ZFHX3: variants seen among roughly 807,000 people sequenced by gnomAD.
The protein encoded by ZFHX3 is zinc finger homeobox protein 3.
A neutral mutation model predicts 279.1 loss-of-function variants in ZFHX3; 42 were observed. The observed-to-expected ratio is 0.15, with a 90% CI of 0.12 to 0.19. ZFHX3 has a LOEUF of 0.19. Ranked by LOEUF, ZFHX3 falls within the 10% of genes least tolerant of loss-of-function variation. The pLI is 1.00. For synonymous variants in ZFHX3, 2,293 were observed against 1,957.8 expected, an observed-to-expected ratio of 1.17 and a Z score of -4.52; for missense variants, 4,981 against 4,754.0, an observed-to-expected ratio of 1.05 and a Z score of -1.40.
chr16:73,496,907 C>G (rs778172708), intron 2 of ZFHX3, among the ~76,000 whole-genome samples: 47 of 152,196 alleles, frequency 3.1e-4, no homozygotes, highest in Admixed American at 2.6e-4. Flanking sequence ...ATGATCCCAG[C>G]TTTGTCAGAC....
chr16:73,423,608 T>A (rs1013774752), intron 3 of ZFHX3, among the ~76,000 whole-genome samples: 1 of 152,186 alleles, frequency 6.6e-6, no homozygotes, highest in African/African-American at 2.4e-5. Flanking sequence ...ATGCTTGTAA[T>A]CCCAGCACTT....
intron 5 of ZFHX3, among the ~76,000 whole-genome samples, chr16:73,218,589 C>A (rs2012295928): frequency 6.6e-6 from 1 of 152,090 alleles, no homozygotes; most frequent in African/African-American, 2.4e-5. Context: ...GCCAACATGG[C>A]AAAACCCTGT....
chr16:72,948,255 C>T (rs763515982), intron 3 of ZFHX3, among the ~76,000 whole-genome samples: 20 of 152,160 alleles, frequency 1.3e-4, no homozygotes, highest in Non-Finnish European at 2.2e-4. Flanking sequence ...CTGGTCACTC[C>T]GGGGATGTGC....
intron 2 of ZFHX3, among the ~76,000 whole-genome samples, chr16:73,524,062 G>A (rs2019651794): frequency 6.6e-6 from 1 of 152,126 alleles, no homozygotes; most frequent in African/African-American, 2.4e-5. Flanking sequence ...CCATAGTAAG[G>A]GGTTGGCATG....
chr16:73,838,008 C>T (rs988157541), intron 1 of ZFHX3, among the ~76,000 whole-genome samples: 2 of 152,194 alleles, frequency 1.3e-5, no homozygotes, highest in African/African-American at 4.8e-5. Flanking sequence ...CCATAAAGCC[C>T]CAGTGTCACT....
chr16:73,498,637 T>A (rs867337322), intron 2 of ZFHX3, among the ~76,000 whole-genome samples: 74 of 152,314 alleles, frequency 4.9e-4, no homozygotes, highest in African/African-American at 1.5e-3. Context: ...GGAGTAATTA[T>A]TGGCTAGCAG....
chr16:73,394,151 T>A (rs1369212301), intron 3 of ZFHX3, among the ~76,000 whole-genome samples: 1 of 151,010 alleles, frequency 6.6e-6, no homozygotes, highest in Non-Finnish European at 1.5e-5. Context: ...ATTTAGCAGT[T>A]TCTCTGTTGG....
At chr16:73,148,565 T>G (rs1966879385) in intron 5 of ZFHX3, among the ~76,000 whole-genome samples, 1 of 139,118 alleles carries the variant, frequency 7.2e-6, no homozygotes, top group Non-Finnish European at 1.5e-5. Flanking sequence ...CTTTTTTTTT[T>G]TTTTTTTTTT....
At chr16:72,899,255 C>A (rs8055341) in intron 3 of ZFHX3, among the ~76,000 whole-genome samples, 1 of 152,010 alleles carries the variant, frequency 6.6e-6, no homozygotes, top group Non-Finnish European at 1.5e-5. Context: ...TGGTAGGGAT[C>A]TGGTGGGAGG....
At chr16:73,169,528 G>A (rs1380738700) in intron 5 of ZFHX3, among the ~76,000 whole-genome samples, 2 of 152,102 alleles carry the variant, frequency 1.3e-5, no homozygotes, top group Non-Finnish European at 2.9e-5. Flanking sequence ...TGTAATCCCA[G>A]CTACTCAGGA....
Position 72,788,559 on chromosome 16 carries a change from T to G in ZFHX3, c.9717A>C (p.Lys3239Asn). 6.2e-7 allele frequency: 1 copy of G among 1,614,124 alleles called. No homozygotes were observed. Among genetic ancestry groups the G allele is most frequent in the Non-Finnish European group, 8.5e-7 (1 of 1,180,002 alleles). Residue 3239 changes from lysine to asparagine, a missense_variant, in exon 10 of 10, where the codon AAA becomes AAC. Physicochemically the swap from Lys to Asn is moderately conservative, Grantham distance 94. Coordinates refer to ENST00000268489, the MANE Select transcript of ZFHX3 (RefSeq NM_006885.4). ...QQQRKDKDSE[K>N]VKEKEKAHKG... Reference sequence around the variant, plus strand: ...TGTGTGCCTTTTCCTTCTCCTTTACTTTCTCACTGTCTTTGTCCTTGCGTT... The same window carrying G: ...TGTGTGCCTTTTCCTTCTCCTTTACGTTCTCACTGTCTTTGTCCTTGCGTT...
intron 5 of ZFHX3, among the ~76,000 whole-genome samples, chr16:72,818,870 A>G (rs2036696113): frequency 6.6e-6 from 1 of 152,214 alleles, no homozygotes; most frequent in Non-Finnish European, 1.5e-5. Context: ...CAAGACACAG[A>G]GGTTCTATCA....
In ZFHX3 at chr16:72,962,727, A is replaced by G. The variant is rs1254475850; in HGVS notation, c.-49-2533T>C. On this transcript the variant is annotated intron_variant, in intron 1 of 9. Transcript: ENST00000268489. ...CACCATCCTCAGGGACCATGCATTAAACTTAAGACACTCTCTGCTTCACTC... is the reference window on the plus strand; with the variant it reads ...CACCATCCTCAGGGACCATGCATTAGACTTAAGACACTCTCTGCTTCACTC... Among the ~76,000 whole-genome samples, 3 of 152,006 alleles carry G rather than the reference A, an allele frequency of 2.0e-5. No homozygotes were observed. In the East Asian group the frequency reaches 5.8e-4, roughly 29 times the overall value.
At chr16:72,931,644 T>C (rs569356362) in intron 3 of ZFHX3, among the ~76,000 whole-genome samples, 12 of 151,208 alleles carry the variant, frequency 7.9e-5, no homozygotes, top group South Asian at 2.1e-4. Flanking sequence ...AGGGTTGCCA[T>C]GGAAACAGTT....
intron 2 of ZFHX3, among the ~76,000 whole-genome samples, chr16:73,522,585 T>C (rs183143726): frequency 1.4e-3 from 216 of 152,132 alleles, no homozygotes; most frequent in Middle Eastern, 0.01. Context: ...CCAGACCATG[T>C]CCAATCCCAG....
chr16:72,816,601 G>A (rs1305510793), intron 5 of ZFHX3, among the ~76,000 whole-genome samples: 2 of 152,138 alleles, frequency 1.3e-5, no homozygotes, highest in East Asian at 3.9e-4. Flanking sequence ...GTGCTGATGA[G>A]GCACAGGAAA....
At chr16:73,009,103 T>C (rs1371889562) in intron 1 of ZFHX3, among the ~76,000 whole-genome samples, 2 of 152,058 alleles carry the variant, frequency 1.3e-5, no homozygotes, top group Non-Finnish European at 2.9e-5. Flanking sequence ...AGATCTTGCC[T>C]GCTACAGACC....
intron 4 of ZFHX3, among the ~76,000 whole-genome samples, chr16:73,273,703 A>C (rs1193659210): frequency 6.6e-6 from 1 of 152,032 alleles, no homozygotes; most frequent in Non-Finnish European, 1.5e-5. Flanking sequence ...TTTTTTTTTA[A>C]AGCCAATCTC....
intron 1 of ZFHX3, among the ~76,000 whole-genome samples, chr16:73,002,062 C>T (rs1250479696): frequency 6.6e-6 from 1 of 152,056 alleles, no homozygotes; most frequent in African/African-American, 2.4e-5. Context: ...TACCAGATTG[C>T]TTTGGAATTT....
Sources: gnomAD v4.1 joint callset for allele counts (sites outside exome capture counted in the v4.1 genomes callset) on GRCh38, gnomAD v4.1.1 for gene constraint, MANE v1.5 for transcripts, NCBI Gene and HGNC (gene_info 2026-07-23, HGNC 2026-07-21) for gene names.